RERE: variants seen among roughly 807,000 people sequenced by gnomAD.
The protein encoded by RERE is arginine-glutamic acid dipeptide repeats protein.
Under a neutral mutation model 146.1 loss-of-function variants are expected in RERE, and 40 were observed. The ratio of observed to expected loss-of-function variants is 0.27; its 90% CI spans 0.21 to 0.36. The LOEUF is 0.36. Ranked by LOEUF, RERE falls within the 10% of genes least tolerant of loss-of-function variation. The pLI is 1.00. For synonymous variants in RERE, 1,003 were observed against 866.0 expected (o/e 1.16, Z -2.78); for missense variants, 1,933 against 2,138.7 (o/e 0.90, Z 1.90).
chr1:8,721,716 T>A (rs1442802773), intron 1 of RERE, among the ~76,000 whole-genome samples: 3 of 152,176 alleles, frequency 2.0e-5, no homozygotes, highest in African/African-American at 7.2e-5. Flanking sequence ...GTTGGAAGGG[T>A]TGCTGGCCTC....
At chr1:8,623,293 CA>C (rs1011859822) in intron 3 of RERE, among the ~76,000 whole-genome samples, 9 of 151,684 alleles carry the variant, frequency 5.9e-5, no homozygotes, top group African/African-American at 2.2e-4. Flanking sequence ...GCTAAAAATA[CA>C]AAAAAAATCA....
chr1:8,407,523 T>C (rs1643483268), intron 12 of RERE, among the ~76,000 whole-genome samples: 1 of 152,022 alleles, frequency 6.6e-6, no homozygotes, highest in African/African-American at 2.4e-5. Context: ...ATGCAAGCAC[T>C]TGCAACAGAA....
chr1:8,758,390 T>G (rs1323570096), intron 1 of RERE, among the ~76,000 whole-genome samples: 1 of 145,202 alleles, frequency 6.9e-6, no homozygotes, highest in Non-Finnish European at 1.5e-5. Context: ...CCTCAATCTT[T>G]TTTTTTTTTT....
At chr1:8,494,320 G>T (rs1645015485) in intron 10 of RERE, among the ~76,000 whole-genome samples, 1 of 152,154 alleles carries the variant, frequency 6.6e-6, no homozygotes, top group Non-Finnish European at 1.5e-5. Context: ...CATGGTCTCA[G>T]AAACAGTGAA....
intron 10 of RERE, among the ~76,000 whole-genome samples, chr1:8,476,780 C>T (rs1177715138): frequency 6.6e-6 from 1 of 152,218 alleles, no homozygotes; most frequent in East Asian, 1.9e-4. Flanking sequence ...GGCGGACCTG[C>T]GTCCTTCGCT....
rs955510254 is a variant in RERE at position 8,423,468 on chromosome 1, C to G, written c.1204-661G>C. The G allele has an allele frequency of 3.3e-5, 30 of 912,498 alleles. No homozygotes were observed. Among genetic ancestry groups the G allele is most frequent in the Middle Eastern group, 5.5e-4 (1 of 1,812 alleles). 56.5% of individuals were successfully genotyped at this position (912,498 alleles called of 1,614,324 possible). A position where few individuals can be genotyped will look rare whatever the true frequency, so the allele number is the denominator to read the frequency against. ...ATCCATTTTCGCAGCAGACTCGTCCCTAACCCCAGCCCGGAGACTTTCACT... is the reference window on the plus strand; with the variant it reads ...ATCCATTTTCGCAGCAGACTCGTCCGTAACCCCAGCCCGGAGACTTTCACT... On this transcript the variant is annotated intron_variant, in intron 11 of 22. Transcript: ENST00000400908. The surrounding 1 kb of genome is among the most constrained non-coding windows in gnomAD (Gnocchi z 5.4).
intron 4 of RERE, among the ~76,000 whole-genome samples, chr1:8,567,268 T>A (rs920185188): frequency 2.0e-5 from 3 of 152,180 alleles, no homozygotes; most frequent in Non-Finnish European, 4.4e-5. Flanking sequence ...AGAGATAACA[T>A]CAGCATCTGG....
rs377000011 is a variant in RERE, at chr1:8,356,212, G to A, written c.4374C>T (p.Pro1458=). Residue 1458 remains proline (P), a synonymous_variant, in exon 21 of 23, where the codon CCC becomes CCT. Coordinates refer to ENST00000400908, the MANE Select transcript of RERE (RefSeq NM_001042681.2). The surrounding 1 kb of genome is among the most constrained non-coding windows in gnomAD (Gnocchi z 5.2). ...SAGPVHPLVD[P]LTAGPHLARF... ...GAGCCAGGTGGGGACCGGCAGTCAG[G>A]GGGTCGACCAGCGGGTGAACGGGGC... 6.6e-7 allele frequency: 1 copy of A among 1,524,714 alleles called. No individual in the cohort carries two copies. Among genetic ancestry groups the A allele is most frequent in the Non-Finnish European group, 8.7e-7 (1 of 1,147,420 alleles). 94.4% of individuals were successfully genotyped at this position (1,524,714 alleles called of 1,614,324 possible).
At chr1:8,475,788 A>C (rs1005803343) in intron 10 of RERE, among the ~76,000 whole-genome samples, 1 of 152,204 alleles carries the variant, frequency 6.6e-6, no homozygotes, top group African/African-American at 2.4e-5. Context: ...GTGCCAAGTC[A>C]ATATATATGA....
At chr1:8,644,012 T>C (rs756052919) in intron 2 of RERE, among the ~76,000 whole-genome samples, 2 of 152,206 alleles carry the variant, frequency 1.3e-5, no homozygotes, top group African/African-American at 4.8e-5. Flanking sequence ...GCACATTCTA[T>C]TGACCTCACT....
At chr1:8,385,787 C>T (rs192857897) in intron 12 of RERE, among the ~76,000 whole-genome samples, 3 of 149,666 alleles carry the variant, frequency 2.0e-5, no homozygotes, top group Admixed American at 1.3e-4. Flanking sequence ...ATGGTGAAAC[C>T]CCATCTCTAC....
intron 1 of RERE, among the ~76,000 whole-genome samples, chr1:8,668,096 CAG>C (rs1363448699): frequency 2.0e-5 from 3 of 152,218 alleles, no homozygotes; most frequent in African/African-American, 7.2e-5. Context: ...TTGCCTATTG[CAG>C]AGATTTCAAA....
At chr1:8,447,021 C>T (rs1232422926) in intron 11 of RERE, among the ~76,000 whole-genome samples, 9 of 151,564 alleles carry the variant, frequency 5.9e-5, no homozygotes, top group African/African-American at 2.2e-4. Context: ...CTTGTCTTCA[C>T]GCTTTACTTC....
At chr1:8,416,896 A>G (rs1320351991) in intron 12 of RERE, among the ~76,000 whole-genome samples, 2 of 152,210 alleles carry the variant, frequency 1.3e-5, no homozygotes, top group African/African-American at 2.4e-5. Context: ...AGACAAGGAC[A>G]GGGCCTGAGA....
chr1:8,761,992 T>A (rs1483491225), intron 1 of RERE, among the ~76,000 whole-genome samples: 2 of 152,170 alleles, frequency 1.3e-5, no homozygotes, highest in Middle Eastern at 3.2e-3. Flanking sequence ...CTCTCTTCCT[T>A]TCATGACATA....
intron 21 of RERE, 117 bp downstream of exon 21, chr1:8,355,983 G>A: frequency 8.6e-7 from 1 of 1,156,084 alleles, no homozygotes. Flanking sequence ...TGCAGGGGGA[G>A]CGAACCCACC....
chr1:8,357,578 T>C (rs1000294022), intron 20 of RERE, among the ~76,000 whole-genome samples: 3 of 152,198 alleles, frequency 2.0e-5, no homozygotes, highest in South Asian at 4.1e-4. Context: ...AGCCACCCCC[T>C]GCGCCATCTC....
At chr1:8,597,887 G>A (rs765702413) in intron 4 of RERE, among the ~76,000 whole-genome samples, 4 of 151,900 alleles carry the variant, frequency 2.6e-5, no homozygotes, top group Admixed American at 2.6e-4. Context: ...GTGACTGTGA[G>A]GATGGATAAC....
At chr1:8,570,905 C>G (rs1309487953) in intron 4 of RERE, among the ~76,000 whole-genome samples, 1 of 152,190 alleles carries the variant, frequency 6.6e-6, no homozygotes, top group Non-Finnish European at 1.5e-5. Context: ...CAACCAAACA[C>G]TCCAGACATT....
Sources: allele counts gnomAD v4.1 joint callset (sites outside exome capture counted in the v4.1 genomes callset), GRCh38; gene constraint gnomAD v4.1.1; non-coding constraint Gnocchi (gnomAD v3.1); transcripts MANE v1.5; gene names NCBI Gene and HGNC (gene_info 2026-07-23, HGNC 2026-07-21).